Variants in KCTD8 observed in about 807,000 individuals in gnomAD.
The protein encoded by KCTD8 is potassium channel tetramerization domain containing 8.
Under a neutral mutation model 31.5 loss-of-function variants are expected in KCTD8, and 27 were observed. The ratio of observed to expected loss-of-function variants is 0.86; its 90% CI spans 0.63 to 1.18. KCTD8 has a LOEUF of 1.18. KCTD8 is among the 50% of genes most tolerant of loss of function. The pLI, the probability that KCTD8 is intolerant of heterozygous loss-of-function variation, is 0.00. For missense variants in KCTD8, 658 were observed against 647.7 expected (o/e 1.02, Z -0.17); for synonymous variants, 290 against 280.0 (o/e 1.04, Z -0.36).
intron 1 of KCTD8, among the ~76,000 whole-genome samples, chr4:44,427,189 T>C (rs1056175247): frequency 3.3e-5 from 5 of 151,420 alleles, no homozygotes; most frequent in African/African-American, 1.2e-4. Context: ...ACCAAATACC[T>C]AAAGTAAACA....
chr4:44,218,237 A>G (rs1714707046), intron 1 of KCTD8, among the ~76,000 whole-genome samples: 1 of 145,536 alleles, frequency 6.9e-6, no homozygotes, highest in African/African-American at 2.6e-5. Context: ...GAGTTCAAGC[A>G]ATTCTCCTGC....
intron 1 of KCTD8, among the ~76,000 whole-genome samples, chr4:44,257,944 T>C (rs1716036523): frequency 6.6e-6 from 1 of 152,006 alleles, no homozygotes; most frequent in African/African-American, 2.4e-5. Flanking sequence ...AGCCTCATTC[T>C]TCAATAGGAA....
chr4:44,412,591 G>A (rs1720989036), intron 1 of KCTD8, among the ~76,000 whole-genome samples: 1 of 152,088 alleles, frequency 6.6e-6, no homozygotes, highest in Non-Finnish European at 1.5e-5. Flanking sequence ...CTAGGAGAGA[G>A]CATTAAGCCA....
rs139331668 is a variant in KCTD8, at chr4:44,433,894, T to C, written c.961+13669A>G. Among the ~76,000 whole-genome samples the C allele has an allele frequency of 2.6e-3, 388 of 151,978 alleles. 3 individuals are homozygous for C. Among genetic ancestry groups the C allele is most frequent in the Middle Eastern group, 0.017 (5 of 294 alleles). On this transcript the variant is annotated intron_variant, in intron 1 of 1. Coordinates refer to ENST00000360029, the MANE Select transcript of KCTD8 (RefSeq NM_198353.3). ...TCATCTGACTCATCCCTAGCCTCAATGTTTTCAATACCCACCAACTATCCA... is the reference window on the plus strand; with the variant it reads ...TCATCTGACTCATCCCTAGCCTCAACGTTTTCAATACCCACCAACTATCCA...
intron 1 of KCTD8, among the ~76,000 whole-genome samples, chr4:44,373,087 G>A (rs1247710513): frequency 2.6e-5 from 4 of 152,158 alleles, no homozygotes; most frequent in South Asian, 2.1e-4. Flanking sequence ...AATAGAGGCC[G>A]GGCGCAGTGG....
chr4:44,339,887 T>C (rs1718850182), intron 1 of KCTD8, among the ~76,000 whole-genome samples: 1 of 152,106 alleles, frequency 6.6e-6, no homozygotes, highest in Non-Finnish European at 1.5e-5. Context: ...ATAATAACCA[T>C]ATGAAAGACT....
At chr4:44,444,124 T>A (rs745580310) in intron 1 of KCTD8, among the ~76,000 whole-genome samples, 17 of 152,170 alleles carry the variant, frequency 1.1e-4, no homozygotes, top group Non-Finnish European at 2.1e-4. Flanking sequence ...TATTAAAGTT[T>A]AATAGCCTGT....
intron 1 of KCTD8, among the ~76,000 whole-genome samples, chr4:44,389,242 A>C (rs1720307546): frequency 6.6e-6 from 1 of 151,822 alleles, no homozygotes; most frequent in Non-Finnish European, 1.5e-5. Context: ...TATAGTCAAT[A>C]ATAATTTATG....
intron 1 of KCTD8, among the ~76,000 whole-genome samples, chr4:44,402,891 T>C (rs1720700287): frequency 1.3e-5 from 2 of 152,170 alleles, no homozygotes; most frequent in African/African-American, 4.8e-5. Flanking sequence ...CTCAAACTGT[T>C]CACTGACACA....
At chr4:44,354,396 A>T (rs1054736880) in intron 1 of KCTD8, among the ~76,000 whole-genome samples, 2 of 152,148 alleles carry the variant, frequency 1.3e-5, no homozygotes, top group African/African-American at 2.4e-5. Context: ...TATAGCACAA[A>T]GTCTCAGCTC....
chr4:44,382,116 T>C (rs993519333), intron 1 of KCTD8, among the ~76,000 whole-genome samples: 1 of 152,024 alleles, frequency 6.6e-6, no homozygotes, highest in African/African-American at 2.4e-5. Flanking sequence ...CAGACTCTAA[T>C]ATAATACTAT....
intron 1 of KCTD8, among the ~76,000 whole-genome samples, chr4:44,254,119 G>A (rs932058438): frequency 6.6e-6 from 1 of 151,902 alleles, no homozygotes; most frequent in African/African-American, 2.4e-5. Flanking sequence ...TTTCCATGCA[G>A]AATATTGAAA....
intron 1 of KCTD8, chr4:44,293,259 A>T (rs1717331100): frequency 4.6e-6 from 1 of 215,810 alleles, no homozygotes; most frequent in African/African-American, 2.3e-5. Flanking sequence ...TTAGTTGATG[A>T]CCTTTTCCCT....
intron 1 of KCTD8, among the ~76,000 whole-genome samples, chr4:44,269,369 T>C (rs199558156): frequency 0.5 from 75,309 of 149,628 alleles, 19,146 homozygotes; most frequent in East Asian, 0.63. Flanking sequence ...CCCTTCCTTA[T>C]ACCTTATACA....
intron 1 of KCTD8, among the ~76,000 whole-genome samples, chr4:44,398,211 G>A (rs1178023041): frequency 6.6e-6 from 1 of 152,108 alleles, no homozygotes; most frequent in Non-Finnish European, 1.5e-5. Flanking sequence ...TTTCCTTATT[G>A]CCTAAAAGTT....
intron 1 of KCTD8, among the ~76,000 whole-genome samples, chr4:44,266,043 C>T (rs1288068191): frequency 9.9e-5 from 15 of 151,898 alleles, no homozygotes; most frequent in East Asian, 1.9e-4. Context: ...ATACAGAGAA[C>T]GCCACCAAGA....
At chr4:44,398,430 T>C (rs890001708) in intron 1 of KCTD8, among the ~76,000 whole-genome samples, 1 of 152,148 alleles carries the variant, frequency 6.6e-6, no homozygotes, top group South Asian at 2.1e-4. Context: ...TGATGATGTA[T>C]AAGGAAAAGT....
chr4:44,438,957 AG>A (rs1180221279), intron 1 of KCTD8, among the ~76,000 whole-genome samples: 2 of 152,180 alleles, frequency 1.3e-5, no homozygotes, highest in African/African-American at 4.8e-5. Context: ...TCCCTTCAGG[AG>A]GGAGCATGAA....
At chr4:44,234,199 A>G (rs1325068951) in intron 1 of KCTD8, among the ~76,000 whole-genome samples, 1 of 152,164 alleles carries the variant, frequency 6.6e-6, no homozygotes, top group Admixed American at 6.5e-5. Flanking sequence ...GATACAATGG[A>G]ATCTATGACA....
Sources: allele counts gnomAD v4.1 joint callset (sites outside exome capture counted in the v4.1 genomes callset), GRCh38; gene constraint gnomAD v4.1.1; transcripts MANE v1.5; gene names NCBI Gene and HGNC (gene_info 2026-07-23, HGNC 2026-07-21).